UAP1: variants seen among roughly 807,000 people sequenced by gnomAD.
The protein encoded by UAP1 is UDP-N-acetylglucosamine pyrophosphorylase 1, also known as UDP-N-acetylhexosamine pyrophosphorylase.
Under a neutral mutation model 58.5 loss-of-function variants are expected in UAP1, and 25 were observed. That is an observed-to-expected ratio of 0.43 (90% CI 0.31 to 0.60). The LOEUF (loss-of-function observed/expected upper bound fraction) is 0.60, where lower values mean the gene tolerates loss of function less well. Ranked by LOEUF, UAP1 falls within the 20% of genes least tolerant of loss-of-function variation. The pLI, the probability that UAP1 is intolerant of heterozygous loss-of-function variation, is 0.11. For synonymous variants in UAP1, 208 were observed against 213.0 expected (o/e 0.98, Z 0.21); for missense variants, 575 against 630.0 (o/e 0.91, Z 0.93).
At chr1:162,597,902 G>A (rs375091827) in intron 10 of UAP1, 44 bp downstream of exon 10, 1 of 1,515,420 alleles carries the variant, frequency 6.6e-7, no homozygotes, top group Non-Finnish European at 9.0e-7. Flanking sequence ...ACAAAGCTTT[G>A]TATATTTCAA....
chr1:162,567,348 A>G (rs906837671), intron 2 of UAP1, among the ~76,000 whole-genome samples: 1 of 152,234 alleles, frequency 6.6e-6, no homozygotes, highest in Non-Finnish European at 1.5e-5. Flanking sequence ...CATGTTACGT[A>G]GCATTTAGAA....
At chr1:162,590,571 TC>T in intron 8 of UAP1, 60 bp downstream of exon 8, 4 of 350,334 alleles carry the variant, frequency 1.1e-5, no homozygotes, top group Admixed American at 5.8e-5. Flanking sequence ...CTCTTGGACT[TC>T]TCTCTCTCTC....
At chr1:162,595,390 G>T (rs546108571) in intron 9 of UAP1, among the ~76,000 whole-genome samples, 1 of 152,080 alleles carries the variant, frequency 6.6e-6, no homozygotes, top group African/African-American at 2.4e-5. Context: ...TCTTAATGGG[G>T]TGGGCCCTCA....
intron 3 of UAP1, among the ~76,000 whole-genome samples, chr1:162,578,321 G>C (rs1654342141): frequency 6.6e-6 from 1 of 152,226 alleles, no homozygotes; most frequent in African/African-American, 2.4e-5. Flanking sequence ...GGACAAGGCA[G>C]CTGTATAGCC....
chr1:162,587,338 G>T, intron 5 of UAP1, 137 bp from the exon 6 acceptor site: 1 of 750,724 alleles, frequency 1.3e-6, no homozygotes, highest in African/African-American at 1.7e-5. Flanking sequence ...ATAGTTGATT[G>T]TCTAAAGTTA....
intron 5 of UAP1, among the ~76,000 whole-genome samples, chr1:162,583,239 G>A (rs188319711): frequency 9.0e-5 from 12 of 132,906 alleles, no homozygotes; most frequent in Admixed American, 5.6e-4. Context: ...TGCAACCTCC[G>A]TCTCCCAGGT....
rs754090714 is a variant in UAP1 at position 162,572,258 on chromosome 1, C to A, written c.281-4519C>A. On this transcript the variant is annotated intron_variant, in intron 2 of 10. Coordinates refer to ENST00000271469, the Ensembl canonical transcript of UAP1. ...CATTTATCTGAATAAAGAATGAGGC[C>A]ACTGTGAGCTGCTGGTTAGCAAAAC... Among the ~76,000 whole-genome samples the A allele has an allele frequency of 2.6e-5, 4 of 152,160 alleles. No homozygotes were observed. The East Asian group carries it at 7.7e-4, about 29-fold the overall frequency.
At position 162,599,267 on chromosome 1, in the gene UAP1, T is replaced by C. The variant is rs1655795274; in HGVS notation, c.1477-4T>C. 6.2e-7 allele frequency: 1 copy of C among 1,600,674 alleles called. No homozygotes were observed. The highest frequency in any genetic ancestry group is 1.1e-5 in the South Asian group (1 of 90,562). On this transcript the variant is annotated splice_polypyrimidine_tract_variant and splice_region_variant and intron_variant, in intron 10 of 10. Coordinates refer to ENST00000271469, the Ensembl canonical transcript of UAP1. ...ATTGTGTTTCATTTCAATCCTCTTTTTAGGGATTAGAAAGTTATGTGGCAG... is the reference window on the plus strand; with the variant it reads ...ATTGTGTTTCATTTCAATCCTCTTTCTAGGGATTAGAAAGTTATGTGGCAG...
At chr1:162,589,261 A>G in intron 7 of UAP1, among the ~76,000 whole-genome samples, 1 of 129,192 alleles carries the variant, frequency 7.7e-6, no homozygotes, top group Non-Finnish European at 1.6e-5. Context: ...ATATAAATAT[A>G]TATTTATTTA....
chr1:162,588,697 T>G lies in UAP1; in HGVS notation c.1033T>G (p.Tyr345Asp), dbSNP rs781228087. 2.4e-5 allele frequency: 39 copies of G among 1,604,572 alleles called. No homozygotes were observed. In the Admixed American group the frequency reaches 6.7e-4, roughly 28 times the overall value. Residue 345 changes from tyrosine (Y) to aspartate (D), a missense_variant, in exon 7 of 11, where the codon TAT becomes GAT. Tyr to Asp is a radical substitution (Grantham distance 160). Transcript: ENST00000271469. The stretch of plus-strand genomic sequence containing the variant: ...TTTTCTCCTCCTGCTTCTTAGTGTT[T>G]ATGAACCTCAGTTGCAGCACCATGT...
chr1:162,588,546 C>CTA, intron 6 of UAP1, 147 bp from the exon 7 acceptor site: 1 of 717,274 alleles, frequency 1.4e-6, no homozygotes, highest in Non-Finnish European at 2.2e-6. Flanking sequence ...TATTCATTTA[C>CTA]TATTTAAATA....
At chr1:162,574,408 T>C (rs755714550) in intron 2 of UAP1, among the ~76,000 whole-genome samples, 13 of 152,198 alleles carry the variant, frequency 8.5e-5, no homozygotes, top group Non-Finnish European at 1.9e-4. Context: ...TATTTTTCTT[T>C]ATGTTGTTGA....
intron 2 of UAP1, among the ~76,000 whole-genome samples, chr1:162,573,426 T>C (rs535919963): frequency 6.6e-6 from 1 of 152,324 alleles, no homozygotes; most frequent in East Asian, 1.9e-4. Flanking sequence ...TGGTGAAAAT[T>C]ACACAGTAAC....
At chr1:162,572,045 G>A (rs529107890) in intron 2 of UAP1, among the ~76,000 whole-genome samples, 1 of 152,328 alleles carries the variant, frequency 6.6e-6, no homozygotes, top group South Asian at 2.1e-4. Context: ...TATGTGGATT[G>A]TGTTATAATT....
chr1:162,581,680 A>T (rs1306078765), intron 5 of UAP1, among the ~76,000 whole-genome samples: 1 of 152,168 alleles, frequency 6.6e-6, no homozygotes, highest in African/African-American at 2.4e-5. Context: ...AGTTTAAACT[A>T]TGTGAGGAGG....
exon 1 of UAP1, chr1:162,561,563 G>C (rs1233843500): frequency 6.6e-6 from 1 of 152,002 alleles, no homozygotes; most frequent in Non-Finnish European, 1.5e-5. Context: ...TGTCTGGGCG[G>C]TCGGCTTCCA....
intron 8 of UAP1, among the ~76,000 whole-genome samples, chr1:162,591,783 G>GC (rs1655325886): frequency 6.7e-6 from 1 of 149,194 alleles, no homozygotes; most frequent in Admixed American, 6.7e-5. Flanking sequence ...GCCATGTCTG[G>GC]CCAATCTTTT....
At chr1:162,562,182 C>G (rs1653188022) in intron 1 of UAP1, among the ~76,000 whole-genome samples, 1 of 150,998 alleles carries the variant, frequency 6.6e-6, no homozygotes, top group Non-Finnish European at 1.5e-5. Flanking sequence ...GTAGAGACCT[C>G]GAGGCTCTCA....
intron 9 of UAP1, 121 bp from the exon 10 acceptor site, chr1:162,597,671 C>T: frequency 1.4e-6 from 1 of 736,736 alleles, no homozygotes; most frequent in Non-Finnish European, 2.3e-6. Flanking sequence ...GCATCTATTC[C>T]ATTTGTTTAA....
Sources: allele counts gnomAD v4.1 joint callset (sites outside exome capture counted in the v4.1 genomes callset), GRCh38; gene constraint gnomAD v4.1.1; transcripts MANE v1.5; gene names NCBI Gene and HGNC (gene_info 2026-07-23, HGNC 2026-07-21).